Variants in EFCC1 observed in about 807,000 individuals in gnomAD.
EFCC1 encodes the protein EF-hand and coiled-coil domain containing 1.
A neutral mutation model predicts 52.1 loss-of-function variants in EFCC1; 50 were observed. The observed-to-expected ratio is 0.96, with a 90% CI of 0.76 to 1.21. The LOEUF (loss-of-function observed/expected upper bound fraction) is 1.21. Ranked by LOEUF, EFCC1 falls within the 50% of genes most tolerant of loss-of-function variation. The pLI is 0.00. For synonymous variants in EFCC1, 399 were observed against 396.5 expected, an observed-to-expected ratio of 1.01 and a Z score of -0.08; for missense variants, 837 against 867.3, an observed-to-expected ratio of 0.97 and a Z score of 0.44.
chr3:129,035,377 G>A (rs897169820), intron 5 of EFCC1, among the ~76,000 whole-genome samples: 5 of 152,150 alleles, frequency 3.3e-5, no homozygotes, highest in African/African-American at 7.2e-5. Flanking sequence ...CCGCATCCAC[G>A]CCAGTGTGCC....
rs1258013090 is a variant in EFCC1, at chr3:129,014,072, T to G, written c.980+9995T>G. ...CAGACAGAGTCTTCAGGCTCTTCAT[T>G]TTGCCTCTTCATGATTTTCTGTCAG... On this transcript the variant is annotated intron_variant, in intron 2 of 7. Transcript: ENST00000683648. This position sits in a 1 kb window ranked among gnomAD's most constrained non-coding sequence, Gnocchi z 4.3. 6.6e-6 allele frequency among the ~76,000 whole-genome samples: 1 copy of G among 152,202 alleles called. No individual in the cohort carries two copies. The highest frequency in any genetic ancestry group is 6.5e-5 in the Admixed American group (1 of 15,284).
At chr3:129,030,959 C>T in intron 3 of EFCC1, 99 bp downstream of exon 3, 4 of 1,401,602 alleles carry the variant, frequency 2.9e-6, no homozygotes, top group Non-Finnish European at 3.7e-6. Context: ...ATGCTACCAC[C>T]AGCCTCCAAA....
At chr3:129,015,392 T>C (rs988384805) in intron 2 of EFCC1, among the ~76,000 whole-genome samples, 3 of 152,012 alleles carry the variant, frequency 2.0e-5, no homozygotes, top group Non-Finnish European at 4.4e-5. Flanking sequence ...TGTATTTTTG[T>C]GATGACTTCA....
rs768971609 is a variant in EFCC1 at position 129,003,773 on chromosome 3, C to A, written c.697-21C>A. On this transcript the variant is annotated intron_variant, in intron 1 of 7. Coordinates refer to ENST00000683648, the MANE Select transcript of EFCC1 (RefSeq NM_001377500.1). ...CTGGCTGGGGCACTTACCCCCTGCC[C>A]CTGCTGCCCTGTCCCCGCAGGTCGG... is the stretch of plus-strand genomic sequence containing the variant. 5 of 1,405,300 alleles carry A rather than the reference C, an allele frequency of 3.6e-6. No homozygotes were observed. The South Asian group carries it at 7.2e-5, about 20-fold the overall frequency. The allele number at this position is 1,405,300 out of a possible 1,614,324, so 87.1% of individuals were successfully genotyped here. A position where few individuals can be genotyped will look rare whatever the true frequency, so the allele number is the denominator to read the frequency against.
chr3:129,017,558 TTCCTTGCCGGC>T (rs1166274713), intron 2 of EFCC1, among the ~76,000 whole-genome samples: 1 of 152,216 alleles, frequency 6.6e-6, no homozygotes, highest in Non-Finnish European at 1.5e-5. Context: ...GAGGCCCTAT[TTCCTTGCCGGC>T]TGTCAGCTGG....
intron 2 of EFCC1, among the ~76,000 whole-genome samples, chr3:129,015,783 C>A (rs368008837): frequency 6.6e-6 from 1 of 151,894 alleles, no homozygotes; most frequent in Non-Finnish European, 1.5e-5. Flanking sequence ...ATCCCGCCCC[C>A]CTACCCCAAG....
At chr3:129,034,048 G>A (rs919555522) in intron 4 of EFCC1, 116 bp from the exon 5 acceptor site, 45 of 1,334,316 alleles carry the variant, frequency 3.4e-5, no homozygotes, top group Middle Eastern at 2.4e-4. Context: ...GGCAGGTGCC[G>A]TGGCCTGGCT....
intron 2 of EFCC1, among the ~76,000 whole-genome samples, chr3:129,011,353 C>T (rs1187374933): frequency 6.6e-6 from 1 of 152,078 alleles, no homozygotes; most frequent in Non-Finnish European, 1.5e-5. Flanking sequence ...GAGTTCAAGA[C>T]CAGCCAGGCC....
chr3:129,002,283 G>GC lies in EFCC1; in HGVS notation c.657dup (p.Ala220ArgfsTer6). On this transcript the variant is annotated frameshift_variant, in exon 1 of 8. Coordinates refer to ENST00000683648, the MANE Select transcript of EFCC1 (RefSeq NM_001377500.1). LOFTEE classifies it high-confidence loss of function. Reference sequence around the variant, plus strand: ...GCGCGAGTTGGTGGAGGACCTGCGCGCCGCGCTGCAGAGCAGTGATGCGCG... The same window carrying GC: ...GCGCGAGTTGGTGGAGGACCTGCGCGCCCGCGCTGCAGAGCAGTGATGCGCG... 1 of 1,528,940 alleles carries GC rather than the reference G, an allele frequency of 6.5e-7. No individual in the cohort carries two copies. The highest frequency in any genetic ancestry group is 8.7e-7 in the Non-Finnish European group (1 of 1,144,176). The allele number at this position is 1,528,940 out of a possible 1,614,324, so 94.7% of individuals were successfully genotyped here.
intron 5 of EFCC1, among the ~76,000 whole-genome samples, chr3:129,036,696 C>T (rs778558500): frequency 2.0e-5 from 3 of 152,244 alleles, no homozygotes; most frequent in Non-Finnish European, 4.4e-5. Context: ...CATAAATTTC[C>T]TCTCTGTGTA....
chr3:129,031,436 GC>G lies in EFCC1; in HGVS notation c.1138+582del, dbSNP rs779976620. Among the ~76,000 whole-genome samples, 20 of 152,174 alleles carry G rather than the reference GC, an allele frequency of 1.3e-4. 1 individual carries two copies. Among genetic ancestry groups the G allele is most frequent in the East Asian group, 7.7e-4 (4 of 5,176 alleles). ...AGCCTAGGTGACAGAGTGGGGCCCT[GC>G]CCCCCTAAAGAAAAAAGAAAAACAT... is the stretch of plus-strand genomic sequence containing the variant. On this transcript the variant is annotated intron_variant, in intron 3 of 7. Coordinates refer to ENST00000683648, the MANE Select transcript of EFCC1 (RefSeq NM_001377500.1).
chr3:129,022,813 A>T (rs1945918787), intron 2 of EFCC1, among the ~76,000 whole-genome samples: 1 of 152,202 alleles, frequency 6.6e-6, no homozygotes, highest in Non-Finnish European at 1.5e-5. Flanking sequence ...CTCCCGAAAG[A>T]CAGTGGCCCA....
chr3:129,013,767 C>T (rs1945441554), intron 2 of EFCC1, among the ~76,000 whole-genome samples: 1 of 152,210 alleles, frequency 6.6e-6, no homozygotes, highest in Non-Finnish European at 1.5e-5. Context: ...GCCATTGGCC[C>T]TGCCCGACAC....
chr3:129,021,421 C>T (rs1023849957), intron 2 of EFCC1, among the ~76,000 whole-genome samples: 1 of 152,126 alleles, frequency 6.6e-6, no homozygotes, highest in Non-Finnish European at 1.5e-5. Context: ...ACTCATGGTG[C>T]TTAAGCTGCT....
chr3:129,039,741 G>GA lies in EFCC1; in HGVS notation c.1694dup (p.Asp565GlufsTer75). On this transcript the variant is annotated frameshift_variant, in exon 8 of 8. Coordinates refer to ENST00000683648, the MANE Select transcript of EFCC1 (RefSeq NM_001377500.1). LOFTEE classifies it low-confidence loss of function (END_TRUNC). ...AAGGCCCAGCCCTGCAGCCATCCTGGATGCCCTGCACCAAGCCTTGGCTGC... is the reference window on the plus strand; with the variant it reads ...AAGGCCCAGCCCTGCAGCCATCCTGGAATGCCCTGCACCAAGCCTTGGCTGC... 2 of 1,609,842 alleles carry GA rather than the reference G, an allele frequency of 1.2e-6. No homozygotes were observed. Among genetic ancestry groups the GA allele is most frequent in the Non-Finnish European group, 1.7e-6 (2 of 1,177,442 alleles).
chr3:129,027,855 G>GAGAC (rs112213464), intron 2 of EFCC1, among the ~76,000 whole-genome samples: 74 of 152,190 alleles, frequency 4.9e-4, no homozygotes, highest in African/African-American at 1.6e-3. Flanking sequence ...TTGGGAGGCT[G>GAGAC]AGACATGACA....
At chr3:129,003,491 C>T (rs1425434361) in intron 1 of EFCC1, among the ~76,000 whole-genome samples, 1 of 151,292 alleles carries the variant, frequency 6.6e-6, no homozygotes, top group Admixed American at 6.6e-5. Context: ...AGAAGAGTCG[C>T]GAGGTTGGTA....
chr3:129,039,081 C>G (rs1241907724), intron 7 of EFCC1, among the ~76,000 whole-genome samples, 181 bp downstream of exon 7: 1 of 152,220 alleles, frequency 6.6e-6, no homozygotes, highest in Non-Finnish European at 1.5e-5. Context: ...AAGCCCCAGG[C>G]AGAAGTGCCA....
chr3:129,001,529 G>A lies in EFCC1; in HGVS notation c.-100G>A. On this transcript the variant is annotated 5_prime_UTR_variant, in exon 1 of 8. Transcript: ENST00000683648. ...GCGCCGCTCCAACCAGACCGCGACC[G>A]CTAAGCCCCTCCTTTCGAGAAACTC... 1 of 1,336,494 alleles carries A rather than the reference G, an allele frequency of 7.5e-7. No homozygotes were observed. The highest frequency in any genetic ancestry group is 3.1e-5 in the East Asian group (1 of 32,598). The allele number at this position is 1,336,494 out of a possible 1,614,324, so 82.8% of individuals were successfully genotyped here.
Sources: allele counts gnomAD v4.1 joint callset (sites outside exome capture counted in the v4.1 genomes callset), GRCh38; gene constraint gnomAD v4.1.1; non-coding constraint Gnocchi (gnomAD v3.1); transcripts MANE v1.5; gene names NCBI Gene and HGNC (gene_info 2026-07-23, HGNC 2026-07-21).